HERC4: variants seen among roughly 807,000 people sequenced by gnomAD.
HERC4 encodes HECT and RLD domain containing E3 ubiquitin protein ligase 4.
A neutral mutation model predicts 124.3 loss-of-function variants in HERC4; 28 were observed. That is an observed-to-expected ratio of 0.23 (90% CI 0.17 to 0.31). HERC4 has a LOEUF of 0.31. Ranked by LOEUF, HERC4 falls within the 10% of genes least tolerant of loss-of-function variation. The probability of loss-of-function intolerance (pLI) is 1.00; values close to 1 mark genes in which losing one functional copy is unlikely to be tolerated. For missense variants in HERC4, 713 were observed against 1,229.3 expected, an observed-to-expected ratio of 0.58 and a Z score of 6.28; for synonymous variants, 407 against 421.5, an observed-to-expected ratio of 0.97 and a Z score of 0.42.
intron 23 of HERC4, among the ~76,000 whole-genome samples, chr10:67,927,256 G>C (rs1238098450): frequency 6.6e-6 from 1 of 151,004 alleles, no homozygotes; most frequent in African/African-American, 2.4e-5. Flanking sequence ...TAAATGGTTT[G>C]GTAGAAATGT....
intron 15 of HERC4, among the ~76,000 whole-genome samples, chr10:67,969,257 T>A (rs669794): frequency 0.62 from 93,539 of 152,066 alleles, 29,631 homozygotes; most frequent in Non-Finnish European, 0.68. Flanking sequence ...GGTACCAGAA[T>A]TGGCTCATTT....
At chr10:67,971,185 T>A (rs1225517786) in intron 15 of HERC4, among the ~76,000 whole-genome samples, 1 of 152,058 alleles carries the variant, frequency 6.6e-6, no homozygotes, top group Non-Finnish European at 1.5e-5. Flanking sequence ...AGGGCCAAAA[T>A]GGTTTCACTG....
intron 15 of HERC4, among the ~76,000 whole-genome samples, chr10:67,974,933 GTA>G (rs1351544253): frequency 6.6e-6 from 1 of 152,184 alleles, no homozygotes; most frequent in Non-Finnish European, 1.5e-5. Context: ...GCTCATGCCT[GTA>G]ATCCCAGAAC....
chr10:67,972,570 T>G (rs1325608978), intron 15 of HERC4, among the ~76,000 whole-genome samples: 3 of 140,122 alleles, frequency 2.1e-5, no homozygotes, highest in Non-Finnish European at 4.6e-5. Flanking sequence ...TTCTCTGTAC[T>G]AGCAACAAAT....
In HERC4 at chr10:67,933,200, A is replaced by G. The variant is rs549804642; in HGVS notation, c.2655-420T>C. On this transcript the variant is annotated intron_variant, in intron 22 of 24. Coordinates refer to ENST00000373700, the MANE Select transcript of HERC4 (RefSeq NM_015601.4). ...AGCTTTGGATTCAGATCATTTGACC[A>G]ACTATAGCCTTCTTTTCCTTGGGTT... 3.3e-5 allele frequency among the ~76,000 whole-genome samples: 5 copies of G among 152,326 alleles called. No individual in the cohort carries two copies. The South Asian group carries it at 1.0e-3, about 32-fold the overall frequency.
intron 2 of HERC4, 89 bp from the exon 3 acceptor site, chr10:68,073,275 A>G (rs1478979750): frequency 6.8e-6 from 4 of 588,000 alleles, no homozygotes; most frequent in Non-Finnish European, 1.2e-5. Flanking sequence ...TAATTGCTAC[A>G]TGGTAAACAT....
rs72808655 is a variant in HERC4 at position 68,013,379 on chromosome 10, C to T, written c.1069+647G>A. The stretch of plus-strand genomic sequence containing the variant: ...GAGCCCACAATATCTCCAAGGTATG[C>T]CTGAATTATATAGCTTAAAAAGGAA... On this transcript the variant is annotated intron_variant, in intron 9 of 24. Coordinates refer to ENST00000373700, the MANE Select transcript of HERC4 (RefSeq NM_015601.4). 2.5e-3 allele frequency among the ~76,000 whole-genome samples: 378 copies of T among 152,216 alleles called. 3 individuals are homozygous for T. Among genetic ancestry groups the T allele is most frequent in the Non-Finnish European group, 4.6e-3 (316 of 68,008 alleles).
At chr10:68,004,049 G>A (rs2037395892) in intron 9 of HERC4, among the ~76,000 whole-genome samples, 1 of 152,178 alleles carries the variant, frequency 6.6e-6, no homozygotes, top group Admixed American at 6.5e-5. Context: ...ATTTTAACCA[G>A]AGTGAGATAA....
intron 16 of HERC4, chr10:67,959,274 C>G: frequency 1.6e-6 from 1 of 613,186 alleles, no homozygotes; most frequent in Non-Finnish European, 2.7e-6. Context: ...GAAAATACAT[C>G]TACAATCAAA....
At chr10:67,963,998 G>C (rs2034693968) in intron 16 of HERC4, among the ~76,000 whole-genome samples, 1 of 151,206 alleles carries the variant, frequency 6.6e-6, no homozygotes, top group East Asian at 1.9e-4. Flanking sequence ...ACCTAGGTCA[G>C]AGATGAAGAA....
intron 9 of HERC4, among the ~76,000 whole-genome samples, chr10:67,996,412 G>A (rs746024936): frequency 1.3e-5 from 2 of 152,086 alleles, no homozygotes; most frequent in Non-Finnish European, 2.9e-5. Flanking sequence ...TCTGTAAATT[G>A]TAATTCTACT....
chr10:68,063,296 G>C (rs1458391587), intron 3 of HERC4, among the ~76,000 whole-genome samples: 1 of 152,078 alleles, frequency 6.6e-6, no homozygotes, highest in Non-Finnish European at 1.5e-5. Context: ...TGCTACCTCT[G>C]CCTCCTAGGT....
At position 67,992,322 on chromosome 10, in the gene HERC4, T is replaced by C; in HGVS notation, c.1148A>G (p.Asn383Ser). 6.2e-7 allele frequency: 1 copy of C among 1,613,214 alleles called. No homozygotes were observed. Among genetic ancestry groups the C allele is most frequent in the Non-Finnish European group, 8.5e-7 (1 of 1,179,418 alleles). ...QSFSHYSSPQNCGPPDDFRCP... is the reference protein window; with the variant it reads ...QSFSHYSSPQSCGPPDDFRCP... The stretch of plus-strand genomic sequence containing the variant: ...TCTGAAGTCATCTGGTGGCCCACAG[T>C]TCTAAATTTTCAAATAAGATTAGTC... The change falls in exon 11 of 25, where the codon AAC becomes AGC. Residue 383 changes from asparagine (N) to serine (S), a missense_variant and splice_region_variant. Transcript: ENST00000373700.
At chr10:67,956,998 A>T in intron 16 of HERC4, 22 bp from the exon 17 acceptor site, 1 of 1,396,722 alleles carries the variant, frequency 7.2e-7, no homozygotes, top group South Asian at 1.3e-5. Flanking sequence ...AAATTAACTT[A>T]TTAGTACAAG....
At chr10:67,958,044 T>G (rs904135490) in intron 16 of HERC4, among the ~76,000 whole-genome samples, 2 of 152,090 alleles carry the variant, frequency 1.3e-5, no homozygotes, top group African/African-American at 2.4e-5. Flanking sequence ...CCTGACCTCA[T>G]GATCCGCCCA....
At chr10:67,957,696 T>C (rs964881390) in intron 16 of HERC4, among the ~76,000 whole-genome samples, 3 of 152,136 alleles carry the variant, frequency 2.0e-5, no homozygotes, top group Admixed American at 6.6e-5. Context: ...TAAAACAATA[T>C]CTTTGTGCCT....
chr10:68,010,910 C>A, intron 9 of HERC4: 14 of 1,306,478 alleles, frequency 1.1e-5, no homozygotes, highest in Non-Finnish European at 1.4e-5. Flanking sequence ...CCTAAGATTG[C>A]AGCAATTCAG....
rs906374757 is a variant in HERC4, at chr10:68,075,231, G to A, written c.-196C>T. Reference sequence around the variant, plus strand: ...CGGATGGAGCGGGCGGGGAAGAACGGGAGGCAAGCGGGGCGGAGAGCACCA... The same window carrying A: ...CGGATGGAGCGGGCGGGGAAGAACGAGAGGCAAGCGGGGCGGAGAGCACCA... On this transcript the variant is annotated 5_prime_UTR_variant, in exon 1 of 25. Coordinates refer to ENST00000373700, the MANE Select transcript of HERC4 (RefSeq NM_015601.4). 6.5e-6 allele frequency: 1 copy of A among 153,328 alleles called. No individual in the cohort carries two copies. The highest frequency in any genetic ancestry group is 1.9e-4 in the East Asian group (1 of 5,192). 9.5% of individuals were successfully genotyped at this position (153,328 alleles called of 1,614,324 possible).
intron 3 of HERC4, among the ~76,000 whole-genome samples, chr10:68,052,193 A>C (rs1298921000): frequency 1.3e-5 from 2 of 152,342 alleles, no homozygotes; most frequent in East Asian, 3.9e-4. Context: ...TGCTAGACAG[A>C]TGAAACATAT....
Sources: gnomAD v4.1 joint callset for allele counts (sites outside exome capture counted in the v4.1 genomes callset) on GRCh38, gnomAD v4.1.1 for gene constraint, MANE v1.5 for transcripts, NCBI Gene and HGNC (gene_info 2026-07-23, HGNC 2026-07-21) for gene names.